The following PPARGC1A variants were observed in gnomAD, a reference collection of about 807,000 sequenced individuals.
PPARGC1A encodes the protein peroxisome proliferator-activated receptor gamma coactivator 1-alpha.
In PPARGC1A, 25 loss-of-function variants were observed where a neutral mutation model predicts 88.7. That is an observed-to-expected ratio of 0.28 (90% CI 0.21 to 0.39). The LOEUF (loss-of-function observed/expected upper bound fraction) is 0.39, where lower values mean the gene tolerates loss of function less well. PPARGC1A is among the 10% of genes least tolerant of loss of function. PPARGC1A has a pLI of 1.00. For synonymous variants in PPARGC1A, 363 were observed against 355.6 expected (o/e 1.02, Z -0.24); for missense variants, 880 against 968.7 (o/e 0.91, Z 1.22).
the PPARGC1A span, among the ~76,000 whole-genome samples, chr4:23,944,633 C>T: frequency 1.3e-5 from 2 of 152,164 alleles, no homozygotes; most frequent in African/African-American, 4.8e-5. Flanking sequence ...CCCCACATGT[C>T]GTGTGAGGCA....
the PPARGC1A span, among the ~76,000 whole-genome samples, chr4:24,235,158 T>C: frequency 6.6e-6 from 1 of 152,294 alleles, no homozygotes; most frequent in East Asian, 1.9e-4. Flanking sequence ...AAGCATCCAC[T>C]TACGGATTCA....
chr4:24,274,169 T>C, the PPARGC1A span, among the ~76,000 whole-genome samples: 6 of 152,168 alleles, frequency 3.9e-5, no homozygotes, highest in Non-Finnish European at 5.9e-5. Flanking sequence ...GGACTGATTT[T>C]ACAGTCCTCA....
chr4:23,801,976 C>T (rs528554900), intron 11 of PPARGC1A, 95 bp from the exon 12 acceptor site: 10 of 1,452,956 alleles, frequency 6.9e-6, no homozygotes, highest in South Asian at 2.5e-5. Context: ...CCAGTGCCAA[C>T]GTCTGAGCCA....
chr4:24,220,310 T>C, the PPARGC1A span, among the ~76,000 whole-genome samples: 354 of 152,298 alleles, frequency 2.3e-3, 2 homozygotes, highest in African/African-American at 7.9e-3. Flanking sequence ...TAGAAAGCAG[T>C]TTGTAGATTT....
At chr4:23,871,913 CT>C (rs1296475802) in intron 2 of PPARGC1A, among the ~76,000 whole-genome samples, 1 of 152,096 alleles carries the variant, frequency 6.6e-6, no homozygotes, top group East Asian at 1.9e-4. Flanking sequence ...TTGAGTAAGG[CT>C]TGGTAGGGAT....
At chr4:23,965,410 C>T in the PPARGC1A span, among the ~76,000 whole-genome samples, 3 of 152,272 alleles carry the variant, frequency 2.0e-5, no homozygotes, top group South Asian at 4.1e-4. Context: ...TTGCAGAGCA[C>T]GAATGAATTT....
chr4:24,166,822 A>G, the PPARGC1A span, among the ~76,000 whole-genome samples: 2 of 152,208 alleles, frequency 1.3e-5, no homozygotes, highest in African/African-American at 2.4e-5. Flanking sequence ...TTTCAAAAAT[A>G]TTACTACTTC....
the PPARGC1A span, among the ~76,000 whole-genome samples, chr4:23,952,279 T>C: frequency 6.6e-6 from 1 of 152,076 alleles, no homozygotes; most frequent in African/African-American, 2.4e-5. Context: ...CCCCACTCCC[T>C]CCCCATTCCA....
the PPARGC1A span, among the ~76,000 whole-genome samples, chr4:24,039,271 A>G: frequency 3.3e-5 from 5 of 152,334 alleles, no homozygotes; most frequent in Non-Finnish European, 5.9e-5. Context: ...TTAAGAAGCT[A>G]TACTTTAGTG....
Position 23,794,071 on chromosome 4 carries a change from C to T in PPARGC1A, c.*1751G>A, listed in dbSNP as rs1717098897. The stretch of plus-strand genomic sequence containing the variant: ...TGCCAAGGGAAAGAAATACTGGCTT[C>T]AAAGATAGTCTTCAGACACACATTA... On this transcript the variant is annotated 3_prime_UTR_variant, in exon 13 of 13. Coordinates refer to ENST00000264867, the MANE Select transcript of PPARGC1A (RefSeq NM_013261.5). 1 of 152,512 alleles carries T rather than the reference C, an allele frequency of 6.6e-6. No individual in the cohort carries two copies. The highest frequency in any genetic ancestry group is 2.4e-5 in the African/African-American group (1 of 41,428). The allele number at this position is 152,512 out of a possible 1,614,324, so 9.4% of individuals were successfully genotyped here.
the PPARGC1A span, among the ~76,000 whole-genome samples, chr4:24,109,647 A>G: frequency 1.7e-4 from 26 of 152,316 alleles, no homozygotes; most frequent in East Asian, 2.5e-3. Flanking sequence ...GGCACTTCAT[A>G]TTTAAAACTC....
rs528371211 is a variant in PPARGC1A, at chr4:23,827,874, AAGG to A, written c.757+523_757+525del. On this transcript the variant is annotated intron_variant, in intron 5 of 12. Coordinates refer to ENST00000264867, the MANE Select transcript of PPARGC1A (RefSeq NM_013261.5). ...GAGGAAGGGGAGAAAGCAGGAGGTG[AAGG>A]AGGAGAAGGAGAAAGAAGGAGAGGG... Among the ~76,000 whole-genome samples the A allele has an allele frequency of 3.2e-4, 48 of 152,192 alleles. No individual in the cohort carries two copies. In the South Asian group the frequency reaches 7.7e-3, roughly 24 times the overall value.
intron 2 of PPARGC1A, among the ~76,000 whole-genome samples, chr4:23,873,948 T>C (rs899028183): frequency 2.6e-5 from 4 of 152,090 alleles, no homozygotes; most frequent in Admixed American, 2.0e-4. Context: ...GAAAAGCTAG[T>C]GCTTTGGAGG....
At chr4:23,899,086 C>T (rs761212392) in intron 1 of PPARGC1A, among the ~76,000 whole-genome samples, 83 of 9,582 alleles carry the variant, frequency 8.7e-3, no homozygotes, top group Middle Eastern at 0.083. Context: ...ATGATCCACC[C>T]CCCCCCGGCC....
the PPARGC1A span, among the ~76,000 whole-genome samples, chr4:24,220,749 G>A: frequency 1.2e-4 from 19 of 152,232 alleles, no homozygotes; most frequent in South Asian, 3.7e-3. Context: ...GACAAAGGTT[G>A]AAAAACTACC....
the PPARGC1A span, among the ~76,000 whole-genome samples, chr4:23,953,838 A>T: frequency 9.9e-5 from 15 of 152,182 alleles, no homozygotes; most frequent in Non-Finnish European, 1.3e-4. Flanking sequence ...ACAAGGCTAC[A>T]TTGTCACATG....
At chr4:23,972,341 C>G in the PPARGC1A span, among the ~76,000 whole-genome samples, 2 of 152,110 alleles carry the variant, frequency 1.3e-5, no homozygotes, top group Admixed American at 1.3e-4. Flanking sequence ...ATAGAAAGAA[C>G]AGATGTGCAA....
chr4:24,135,931 C>G, the PPARGC1A span, among the ~76,000 whole-genome samples: 1 of 152,146 alleles, frequency 6.6e-6, no homozygotes, highest in Non-Finnish European at 1.5e-5. Context: ...CTCAAACTTA[C>G]CTGGCCCTGC....
the PPARGC1A span, among the ~76,000 whole-genome samples, chr4:24,025,219 T>C: frequency 2.0e-5 from 3 of 152,124 alleles, no homozygotes; most frequent in Non-Finnish European, 4.4e-5. Context: ...CAGGTGCTCA[T>C]TGGGACGAAT....
Sources: gnomAD v4.1 joint callset for allele counts (sites outside exome capture counted in the v4.1 genomes callset) on GRCh38, gnomAD v4.1.1 for gene constraint, MANE v1.5 for transcripts, NCBI Gene and HGNC (gene_info 2026-07-23, HGNC 2026-07-21) for gene names.